PUDP: variants seen among roughly 807,000 people sequenced by gnomAD.
PUDP encodes pseudouridine 5'-phosphatase.
PUDP carries 8 observed loss-of-function variants against 9.4 expected under a neutral mutation model. The ratio of observed to expected loss-of-function variants is 0.85; its 90% CI spans 0.50 to 1.53. The LOEUF (loss-of-function observed/expected upper bound fraction) is 1.53, where lower values mean the gene tolerates loss of function less well. Among genes scored for constraint, PUDP ranks in the 40% most tolerant of loss-of-function variants. The probability of loss-of-function intolerance (pLI) is 0.00; values close to 1 mark genes in which losing one functional copy is unlikely to be tolerated. For synonymous variants in PUDP, 99 were observed against 80.7 expected (o/e 1.23, Z -1.22); for missense variants, 188 against 189.7 (o/e 0.99, Z 0.05).
chrX:7,134,413 T>G (rs371995386), intron 1 of PUDP, among the ~76,000 whole-genome samples: 11 of 112,212 alleles, frequency 9.8e-5, no homozygotes, highest in African/African-American at 3.2e-4. Flanking sequence ...TGCTGGATTT[T>G]CACTGGGATT....
chrX:6,748,184 T>C (rs1032288629), intron 3 of PUDP, among the ~76,000 whole-genome samples: 9 of 111,823 alleles, frequency 8.0e-5, no homozygotes, highest in Non-Finnish European at 3.8e-5. Flanking sequence ...TGTGCAAATG[T>C]GTGTTGAATC....
chrX:6,927,244 T>C (rs971450779), intron 3 of PUDP, among the ~76,000 whole-genome samples: 30 of 111,399 alleles, frequency 2.7e-4, no homozygotes, highest in African/African-American at 9.8e-4. Flanking sequence ...AAGAAGACAA[T>C]TCTTTATAGT....
intron 3 of PUDP, among the ~76,000 whole-genome samples, chrX:6,731,116 C>T (rs1344696340): frequency 1.8e-5 from 2 of 111,638 alleles, no homozygotes; most frequent in Non-Finnish European, 3.8e-5. Flanking sequence ...GTTGCCCAGG[C>T]CAGAGTGCAG....
chrX:6,960,961 CT>C (rs1020861461), intron 3 of PUDP, among the ~76,000 whole-genome samples: 2 of 111,456 alleles, frequency 1.8e-5, no homozygotes, highest in Non-Finnish European at 3.8e-5. Flanking sequence ...TGCAATGAAG[CT>C]TTTTTTTACA....
chrX:6,862,599 C>T (rs957609678), intron 3 of PUDP, among the ~76,000 whole-genome samples: 2 of 111,439 alleles, frequency 1.8e-5, no homozygotes, highest in African/African-American at 3.3e-5. Flanking sequence ...TTCTTAATTC[C>T]ATTTGAATAA....
At chrX:6,853,966 G>T (rs1000111598) in intron 3 of PUDP, among the ~76,000 whole-genome samples, 7 of 110,668 alleles carry the variant, frequency 6.3e-5, no homozygotes, top group African/African-American at 9.9e-5. Context: ...GTTTTGTCAT[G>T]TTGCCCAAGC....
At chrX:6,963,593 A>G (rs1461545925) in intron 3 of PUDP, among the ~76,000 whole-genome samples, 1 of 111,898 alleles carries the variant, frequency 8.9e-6, no homozygotes, top group African/African-American at 3.2e-5. Flanking sequence ...GGCTGACATA[A>G]GAGAAAAATG....
At chrX:7,055,359 C>A in intron 3 of PUDP, among the ~76,000 whole-genome samples, 1 of 111,302 alleles carries the variant, frequency 9.0e-6, no homozygotes, top group Non-Finnish European at 1.9e-5. Context: ...TCAAGCAATT[C>A]TCCTGCCTCA....
At chrX:6,921,714 A>G (rs1304512689) in intron 3 of PUDP, among the ~76,000 whole-genome samples, 1 of 109,289 alleles carries the variant, frequency 9.2e-6, no homozygotes, top group Non-Finnish European at 1.9e-5. Context: ...TAATTTTTCT[A>G]CCCTCTCTGC....
chrX:6,739,174 A>C (rs1239767327), intron 3 of PUDP, among the ~76,000 whole-genome samples: 3 of 111,778 alleles, frequency 2.7e-5, no homozygotes, highest in Non-Finnish European at 3.8e-5. Context: ...GTTGCGGTTG[A>C]ACACCAATGT....
chrX:6,846,378 C>A (rs751032321), intron 3 of PUDP, among the ~76,000 whole-genome samples: 9 of 102,075 alleles, frequency 8.8e-5, no homozygotes, highest in Non-Finnish European at 1.6e-4. Flanking sequence ...CCACGGCACT[C>A]CAGCCTGGGT....
chrX:6,959,467 A>G (rs1286710047), intron 3 of PUDP, among the ~76,000 whole-genome samples: 1 of 112,157 alleles, frequency 8.9e-6, no homozygotes, highest in African/African-American at 3.2e-5. Flanking sequence ...CGTGGTGCTA[A>G]TTCTGCAGGC....
chrX:7,107,525 G>A (rs1931919406), intron 1 of PUDP, among the ~76,000 whole-genome samples: 1 of 112,718 alleles, frequency 8.9e-6, no homozygotes, highest in South Asian at 3.6e-4. Flanking sequence ...GGTATGAACT[G>A]CGACTAAAGG....
intron 3 of PUDP, among the ~76,000 whole-genome samples, chrX:7,073,101 G>A (rs1026158629): frequency 5.4e-5 from 6 of 111,623 alleles, no homozygotes; most frequent in African/African-American, 1.6e-4. Context: ...GTTGGCAGAT[G>A]TCGCACCCTG....
At chrX:7,132,195 C>A (rs1333379194) in intron 1 of PUDP, among the ~76,000 whole-genome samples, 1 of 111,134 alleles carries the variant, frequency 9.0e-6, no homozygotes, top group Non-Finnish European at 1.9e-5. Flanking sequence ...TGTGAAAAGT[C>A]AGTCGGGTTC....
chrX:6,748,009 AT>A (rs778376667), intron 3 of PUDP, among the ~76,000 whole-genome samples: 132 of 112,110 alleles, frequency 1.2e-3, no homozygotes, highest in African/African-American at 3.8e-3. Flanking sequence ...GAGGGGAAAA[AT>A]AAGTCTCCTC....
chrX:6,833,026 C>T (rs1926527667), intron 3 of PUDP, among the ~76,000 whole-genome samples: 1 of 98,479 alleles, frequency 1.0e-5, no homozygotes, highest in African/African-American at 4.2e-5. Context: ...GTTAACTAAA[C>T]ATGATCAAGG....
intron 3 of PUDP, among the ~76,000 whole-genome samples, chrX:6,795,990 G>C (rs1440756130): frequency 8.9e-6 from 1 of 111,965 alleles, no homozygotes; most frequent in Non-Finnish European, 1.9e-5. Context: ...TGCGAGTTTA[G>C]AGCTTTCCAG....
intron 3 of PUDP, among the ~76,000 whole-genome samples, chrX:6,772,985 A>G (rs1329223679): frequency 8.9e-6 from 1 of 112,491 alleles, no homozygotes; most frequent in African/African-American, 3.2e-5. Context: ...TTTCTTTTTC[A>G]TCTGGATAGC....
Sources: gnomAD v4.1 joint callset for allele counts (sites outside exome capture counted in the v4.1 genomes callset) on GRCh38, gnomAD v4.1.1 for gene constraint, MANE v1.5 for transcripts, NCBI Gene and HGNC (gene_info 2026-07-23, HGNC 2026-07-21) for gene names.